Variants in SLC6A9 observed in about 807,000 individuals in gnomAD.
The protein encoded by SLC6A9 is sodium- and chloride-dependent glycine transporter 1.
A neutral mutation model predicts 70.9 loss-of-function variants in SLC6A9; 31 were observed. That is an observed-to-expected ratio of 0.44 (90% CI 0.33 to 0.59). The LOEUF (loss-of-function observed/expected upper bound fraction) is 0.59. Among genes scored for constraint, SLC6A9 ranks in the 20% least tolerant of loss-of-function variants. The pLI is 0.04. For missense variants in SLC6A9, 631 were observed against 845.2 expected, an observed-to-expected ratio of 0.75 and a Z score of 3.14; for synonymous variants, 310 against 341.3, an observed-to-expected ratio of 0.91 and a Z score of 1.01.
intron 3 of SLC6A9, 182 bp downstream of exon 3, chr1:44,010,536 ACAGACTGC>A (rs2086524921): frequency 1.6e-5 from 8 of 511,786 alleles, no homozygotes; most frequent in Non-Finnish European, 2.8e-5. Context: ...GCCCCCAACA[ACAGACTGC>A]CAGGGTCTGG....
chr1:44,027,487 G>A (rs1015864590), intron 1 of SLC6A9, among the ~76,000 whole-genome samples: 7 of 152,154 alleles, frequency 4.6e-5, no homozygotes, highest in Non-Finnish European at 8.8e-5. Context: ...GTTTTCCACA[G>A]CCAACAGGAT....
chr1:44,016,920 T>G (rs2086764496), intron 2 of SLC6A9: 4 of 945,308 alleles, frequency 4.2e-6, no homozygotes, highest in Non-Finnish European at 6.1e-6. Context: ...CTGGTGTCTG[T>G]CTTGCTTGCT....
chr1:43,997,902 A>G lies in SLC6A9; in HGVS notation c.1660T>C (p.Tyr554His), dbSNP rs771047545. ...GTGCGGCAGAGCCGGAACATGGCGT[A>G]GAGGGGGATGCAGAGGACGGAGGAC... The part of the protein sequence containing the change: ...ALSSVLCIPL[Y>H]AMFRLCRTDG... Residue 554 changes from tyrosine to histidine, a missense_variant, in exon 13 of 14, where the codon TAC (tyrosine) becomes CAC (histidine). Tyr to His is a moderately conservative substitution (Grantham distance 83, BLOSUM62 2). Coordinates refer to ENST00000372310, the MANE Select transcript of SLC6A9 (RefSeq NM_001024845.3). This position sits in a 1 kb window ranked among gnomAD's most constrained non-coding sequence, Gnocchi z 4.4. 6.2e-7 allele frequency: 1 copy of G among 1,614,026 alleles called. No homozygotes were observed. The highest frequency in any genetic ancestry group is 1.1e-5 in the South Asian group (1 of 91,076).
chr1:44,000,779 G>A lies in SLC6A9; in HGVS notation c.1524C>T (p.Pro508=), dbSNP rs369279085. The change falls in exon 12 of 14, where the codon CCC becomes CCT. Residue 508 remains proline (P), a synonymous_variant. Coordinates refer to ENST00000372310, the MANE Select transcript of SLC6A9 (RefSeq NM_001024845.3). ...FFQICWRFVS[P]AIIFFILVFT... ...CCAGGGAACTCACGAAGATGATGGC[G>A]GGAGAGACGAAGCGCCAGCAGATCT... 4.2e-5 allele frequency: 68 copies of A among 1,606,214 alleles called. 1 individual carries two copies. Among genetic ancestry groups the A allele is most frequent in the Admixed American group, 2.2e-4 (13 of 59,236 alleles).
Position 44,009,975 on chromosome 1 carries a change from G to A in SLC6A9, c.309C>T (p.Pro103=), listed in dbSNP as rs1350235117. 2 of 1,614,014 alleles carry A rather than the reference G, an allele frequency of 1.2e-6. No individual in the cohort carries two copies. Among genetic ancestry groups the A allele is most frequent in the Non-Finnish European group, 1.7e-6 (2 of 1,179,912 alleles). ...QGCLGVWRIS[P]MFKGVGYGMM... ...CCGCCCAGGCCTCACCTTTGAACAT[G>A]GGGCTGATCCTCCAGACCCCCAGGC... Residue 103 remains proline (P), a synonymous_variant, in exon 4 of 14, where the codon CCC becomes CCT. Transcript: ENST00000372310.
chr1:44,024,028 C>T (rs2086935795), intron 2 of SLC6A9, among the ~76,000 whole-genome samples: 1 of 152,212 alleles, frequency 6.6e-6, no homozygotes, highest in Non-Finnish European at 1.5e-5. Flanking sequence ...GGGGCCCACA[C>T]CTCCTGCCTT....
chr1:44,012,149 C>T (rs529612178), intron 2 of SLC6A9, among the ~76,000 whole-genome samples: 13 of 152,346 alleles, frequency 8.5e-5, no homozygotes, highest in East Asian at 1.9e-4. Context: ...ATTCACCCTC[C>T]GCTTGAAAGA....
intron 5 of SLC6A9, among the ~76,000 whole-genome samples, chr1:44,007,327 C>T (rs1054390984): frequency 1.2e-4 from 18 of 152,202 alleles, no homozygotes; most frequent in African/African-American, 4.3e-4. Flanking sequence ...CTGTTCATAC[C>T]TACCATGGGG....
chr1:44,028,751 G>A (rs960935016), intron 1 of SLC6A9, among the ~76,000 whole-genome samples: 4 of 150,728 alleles, frequency 2.7e-5, no homozygotes, highest in African/African-American at 9.8e-5. Context: ...GCAAAACTCC[G>A]TCAAAAGAAA....
intron 2 of SLC6A9, chr1:44,017,144 G>A (rs1231775406): frequency 6.2e-7 from 1 of 1,607,328 alleles, no homozygotes; most frequent in Admixed American, 1.7e-5. Context: ...TCACACCTCT[G>A]CCAGCTCCAG....
chr1:44,028,443 A>G (rs2087022543), intron 1 of SLC6A9, among the ~76,000 whole-genome samples: 2 of 152,210 alleles, frequency 1.3e-5, no homozygotes, highest in African/African-American at 4.8e-5. Context: ...GAAGTTGAAG[A>G]GAGGAAGTCA....
Position 44,002,722 on chromosome 1 carries a change from C to T in SLC6A9, c.724-76G>A, listed in dbSNP as rs910129333. ...CACCACCACCCTGGCTCCCTAATCA[C>T]CACCAGCCCCCTGGTCCCTCTCCGG... On this transcript the variant is annotated intron_variant, in intron 6 of 13. Coordinates refer to ENST00000372310, the MANE Select transcript of SLC6A9 (RefSeq NM_001024845.3). This position sits in a 1 kb window ranked among gnomAD's most constrained non-coding sequence, Gnocchi z 5.5. 12 of 1,598,232 alleles carry T rather than the reference C, an allele frequency of 7.5e-6. No homozygotes were observed. Among genetic ancestry groups the T allele is most frequent in the Middle Eastern group, 1.7e-4 (1 of 6,026 alleles).
At chr1:44,027,633 G>T (rs898912828) in intron 1 of SLC6A9, among the ~76,000 whole-genome samples, 1 of 152,250 alleles carries the variant, frequency 6.6e-6, no homozygotes, top group Non-Finnish European at 1.5e-5. Context: ...CACTCCTGCA[G>T]CTTACAGACT....
chr1:43,999,722 A>G (rs531386902), intron 12 of SLC6A9, among the ~76,000 whole-genome samples: 4 of 152,234 alleles, frequency 2.6e-5, no homozygotes, highest in African/African-American at 9.6e-5. Flanking sequence ...GCCTTTATTC[A>G]GAAACATGAG....
Position 44,018,656 on chromosome 1 carries a change from G to T in SLC6A9, c.30+5592C>A, listed in dbSNP as rs1344494289. Among the ~76,000 whole-genome samples, 1 of 150,916 alleles carries T rather than the reference G, an allele frequency of 6.6e-6. No individual in the cohort carries two copies. Among genetic ancestry groups the T allele is most frequent in the African/African-American group, 2.4e-5 (1 of 40,966 alleles). On this transcript the variant is annotated intron_variant, in intron 2 of 13. Transcript: ENST00000372310. This position sits in a 1 kb window ranked among gnomAD's most constrained non-coding sequence, Gnocchi z 4.2. ...AATAATAAATAAAAATAAAAAGACA[G>T]GTGGGGCACAGTGGCTTAGGCCTGT... is the stretch of plus-strand genomic sequence containing the variant.
intron 2 of SLC6A9, among the ~76,000 whole-genome samples, chr1:44,023,915 C>G (rs1226150246): frequency 2.0e-5 from 3 of 152,220 alleles, no homozygotes; most frequent in Non-Finnish European, 4.4e-5. Context: ...AGGGAGGACC[C>G]CTTGATCAGC....
chr1:44,025,562 G>A (rs895512532), intron 1 of SLC6A9, among the ~76,000 whole-genome samples: 2 of 151,640 alleles, frequency 1.3e-5, no homozygotes, highest in Non-Finnish European at 2.9e-5. Context: ...CACTTTAGGA[G>A]GCCAAGGCAG....
At chr1:44,017,140 C>T (rs2086777136) in intron 2 of SLC6A9, 1 of 1,607,890 alleles carries the variant, frequency 6.2e-7, no homozygotes, top group Non-Finnish European at 8.5e-7. Context: ...TCATTCACAC[C>T]TCTGCCAGCT....
At position 44,010,108 on chromosome 1, in the gene SLC6A9, GGA is replaced by G. The variant is rs1286741115; in HGVS notation, c.188-14_188-13del. On this transcript the variant is annotated splice_polypyrimidine_tract_variant and intron_variant, in intron 3 of 13. Coordinates refer to ENST00000372310, the MANE Select transcript of SLC6A9 (RefSeq NM_001024845.3). ...GAACATGAAGGCGCCTGGTAGGCAG[GGA>G]GAGGTCTGGCTCAGGAGTGGGCTTG... 1 of 1,613,412 alleles carries G rather than the reference GGA, an allele frequency of 6.2e-7. No homozygotes were observed.
Sources: allele counts gnomAD v4.1 joint callset (sites outside exome capture counted in the v4.1 genomes callset), GRCh38; gene constraint gnomAD v4.1.1; non-coding constraint Gnocchi (gnomAD v3.1); transcripts MANE v1.5; gene names NCBI Gene and HGNC (gene_info 2026-07-23, HGNC 2026-07-21).